The following KIF3C variants were observed in gnomAD, a reference collection of about 807,000 sequenced individuals.
KIF3C encodes the protein kinesin-like protein KIF3C.
A neutral mutation model predicts 67.7 loss-of-function variants in KIF3C; 12 were observed. That is an observed-to-expected ratio of 0.18 (90% CI 0.11 to 0.29). KIF3C has a LOEUF of 0.29. Among genes scored for constraint, KIF3C ranks in the 10% least tolerant of loss-of-function variants. The pLI is 1.00. For missense variants in KIF3C, 789 were observed against 1,059.6 expected (o/e 0.74, Z 3.55); for synonymous variants, 393 against 426.2 (o/e 0.92, Z 0.96).
chr2:25,947,606 T>C (rs1210393360), intron 5 of KIF3C, among the ~76,000 whole-genome samples: 1 of 152,118 alleles, frequency 6.6e-6, no homozygotes. Context: ...TTATAGGTAT[T>C]ACTGTAAAAA....
At chr2:25,939,878 A>G (rs1456029913) in intron 5 of KIF3C, among the ~76,000 whole-genome samples, 1 of 152,108 alleles carries the variant, frequency 6.6e-6, no homozygotes, top group Admixed American at 6.6e-5. Context: ...TGAACCTGTG[A>G]GGTGGAGGTT....
intron 5 of KIF3C, among the ~76,000 whole-genome samples, chr2:25,950,102 G>A (rs920265564): frequency 3.3e-5 from 5 of 151,776 alleles, no homozygotes; most frequent in African/African-American, 1.2e-4. Context: ...ACGTTGGCCA[G>A]GCTGGTCTCA....
At chr2:25,962,898 T>TATATATA (rs1191554898) in intron 1 of KIF3C, among the ~76,000 whole-genome samples, 1 of 59,798 alleles carries the variant, frequency 1.7e-5, no homozygotes, top group African/African-American at 8.5e-5. Context: ...TAATATAAAA[T>TATATATA]ATATATAATA....
At chr2:25,973,064 C>G (rs1664320390) in intron 1 of KIF3C, among the ~76,000 whole-genome samples, 1 of 152,130 alleles carries the variant, frequency 6.6e-6, no homozygotes, top group African/African-American at 2.4e-5. Context: ...TAAATATTTT[C>G]TCTTTTACTG....
Position 25,982,466 on chromosome 2 carries a change from G to A in KIF3C, c.-549C>T. 5.0e-6 allele frequency: 2 copies of A among 398,596 alleles called. No homozygotes were observed. The highest frequency in any genetic ancestry group is 3.6e-5 in the East Asian group (1 of 28,046). 24.7% of individuals were successfully genotyped at this position (398,596 alleles called of 1,614,324 possible). ...TGCTGCCTCTGCCTCCGCCTTCCCC[G>A]CCGCCGCCACTGGAGAATGAGAGAG... On this transcript the variant is annotated 5_prime_UTR_variant, in exon 1 of 8. Coordinates refer to ENST00000264712, the MANE Select transcript of KIF3C (RefSeq NM_002254.8).
chr2:25,960,865 G>A (rs1410369767), intron 1 of KIF3C, among the ~76,000 whole-genome samples: 1 of 152,346 alleles, frequency 6.6e-6, no homozygotes, highest in South Asian at 2.1e-4. Flanking sequence ...GAGCCTGGGA[G>A]GTTGAGGCTG....
In KIF3C at chr2:25,962,939, TATATAATATATAATATATAATATATATA is replaced by T. The variant is rs1300425916; in HGVS notation, c.1546-6523_1546-6496del. 0.033 allele frequency among the ~76,000 whole-genome samples: 1,264 copies of T among 38,686 alleles called. 152 individuals are homozygous for T. The East Asian group carries it at 0.45, about 14-fold the overall frequency. The allele number at this position is 38,686 out of a possible 152,430, so 25.4% of individuals were successfully genotyped here. A position where few individuals can be genotyped will look rare whatever the true frequency, so the allele number is the denominator to read the frequency against. ...TATATATAATATATAATACATATAATATATAATATATAATATATAATATATATAATATATAATATATAATATATAATAT... is the reference window on the plus strand; with the variant it reads ...TATATATAATATATAATACATATAATATATATAATATATAATATATAATAT... On this transcript the variant is annotated intron_variant, in intron 1 of 7. Transcript: ENST00000264712.
intron 1 of KIF3C, among the ~76,000 whole-genome samples, chr2:25,969,025 C>T (rs746275784): frequency 6.6e-6 from 1 of 151,948 alleles, no homozygotes; most frequent in Non-Finnish European, 1.5e-5. Flanking sequence ...GGTTTCGCCA[C>T]GTTGGTCAGG....
chr2:25,946,921 G>A (rs1235068382), intron 5 of KIF3C, among the ~76,000 whole-genome samples: 2 of 152,052 alleles, frequency 1.3e-5, no homozygotes, highest in African/African-American at 4.8e-5. Context: ...GGAGGCCGAG[G>A]TAGGCGGATC....
At position 25,955,557 on chromosome 2, in the gene KIF3C, G is replaced by C. The variant is rs1663784418; in HGVS notation, c.1754C>G (p.Thr585Ser). 2 of 1,614,040 alleles carry C rather than the reference G, an allele frequency of 1.2e-6. No individual in the cohort carries two copies. Among genetic ancestry groups the C allele is most frequent in the East Asian group, 4.5e-5 (2 of 44,864 alleles). ...TSLQQEVEVKTKKLKKLYAKL... is the reference protein window; with the variant it reads ...TSLQQEVEVKSKKLKKLYAKL... The stretch of plus-strand genomic sequence containing the variant: ...GCGTCTCACCTTCTTGAGTTTCTTG[G>C]TTTTGACCTCCACCTCCTGCTGCAG... Residue 585 changes from threonine to serine, a missense_variant, in exon 3 of 8, where the codon ACC becomes AGC. By Grantham distance (58) the Thr-to-Ser change is moderately conservative. Around this residue, in one of 2 missense-constraint regions of KIF3C, gnomAD observed 648 missense variants for 807.8 expected, o/e 0.80. Transcript: ENST00000264712. This position sits in a 1 kb window ranked among gnomAD's most constrained non-coding sequence, Gnocchi z 5.0.
At chr2:25,973,602 G>A (rs941215042) in intron 1 of KIF3C, among the ~76,000 whole-genome samples, 13 of 149,510 alleles carry the variant, frequency 8.7e-5, no homozygotes, top group African/African-American at 3.2e-4. Flanking sequence ...ACAACTCAAT[G>A]AATTTGGGGA....
intron 5 of KIF3C, among the ~76,000 whole-genome samples, chr2:25,932,751 T>C (rs527435221): frequency 6.6e-6 from 1 of 152,000 alleles, no homozygotes; most frequent in Admixed American, 6.6e-5. Flanking sequence ...GAGAATTGCT[T>C]GAACCCGGGA....
chr2:25,955,454 G>T lies in KIF3C; in HGVS notation c.1770+87C>A. On this transcript the variant is annotated intron_variant, in intron 3 of 7. Transcript: ENST00000264712. This position sits in a 1 kb window ranked among gnomAD's most constrained non-coding sequence, Gnocchi z 5.0. ...AGGGGTTCAGCAGTTCCAGCCAAAT[G>T]GGGAGGAGTCCCTGAAGCACACATC... 6.7e-7 allele frequency: 1 copy of T among 1,500,422 alleles called. No individual in the cohort carries two copies. Among genetic ancestry groups the T allele is most frequent in the South Asian group, 1.2e-5 (1 of 81,036 alleles). 92.9% of individuals were successfully genotyped at this position (1,500,422 alleles called of 1,614,324 possible). A position where few individuals can be genotyped will look rare whatever the true frequency, so the allele number is the denominator to read the frequency against.
At position 25,982,456 on chromosome 2, in the gene KIF3C, C is replaced by G. The variant is rs1371502546; in HGVS notation, c.-539G>C. 2.5e-6 allele frequency: 1 copy of G among 398,720 alleles called. No homozygotes were observed. The highest frequency in any genetic ancestry group is 4.4e-6 in the Non-Finnish European group (1 of 226,162). The allele number at this position is 398,720 out of a possible 1,614,324, so 24.7% of individuals were successfully genotyped here. On this transcript the variant is annotated 5_prime_UTR_variant, in exon 1 of 8. Coordinates refer to ENST00000264712, the MANE Select transcript of KIF3C (RefSeq NM_002254.8). ...GCGCGGCTGCTGCTGCCTCTGCCTC[C>G]GCCTTCCCCGCCGCCGCCACTGGAG...
chr2:25,936,229 T>C (rs2149223370), intron 5 of KIF3C, among the ~76,000 whole-genome samples: 2 of 152,324 alleles, frequency 1.3e-5, no homozygotes, highest in African/African-American at 4.8e-5. Context: ...TTTGTAGAGA[T>C]GGGGTCTCGC....
chr2:25,952,461 G>T (rs1301580109), intron 4 of KIF3C, among the ~76,000 whole-genome samples: 3 of 151,452 alleles, frequency 2.0e-5, no homozygotes, highest in Non-Finnish European at 4.4e-5. Flanking sequence ...TTAGAAAAAT[G>T]AATAAATACT....
intron 5 of KIF3C, among the ~76,000 whole-genome samples, chr2:25,948,614 A>G (rs1156262233): frequency 6.8e-6 from 1 of 146,216 alleles, no homozygotes; most frequent in Non-Finnish European, 1.5e-5. Flanking sequence ...AAGAAAGAGA[A>G]AGAGAAAGAG....
chr2:25,929,597 G>A, intron 6 of KIF3C, 120 bp from the exon 7 acceptor site: 2 of 770,310 alleles, frequency 2.6e-6, no homozygotes, highest in Non-Finnish European at 4.2e-6. Flanking sequence ...GAGGCTGTGA[G>A]CATCCCCTCC....
In KIF3C at chr2:25,980,278, A is replaced by G. The variant is rs940969111; in HGVS notation, c.1545+95T>C. On this transcript the variant is annotated intron_variant, in intron 1 of 7. Transcript: ENST00000264712. The surrounding 1 kb of genome is among the most constrained non-coding windows in gnomAD (Gnocchi z 7.6). ...TGTGCGGTGCTGAGGGAGAACCTCC[A>G]CTTCAGGCCAGGTCACAGACTCTCA... 9.7e-7 allele frequency: 1 copy of G among 1,025,972 alleles called. No homozygotes were observed. The highest frequency in any genetic ancestry group is 1.4e-6 in the Non-Finnish European group (1 of 706,942). The allele number at this position is 1,025,972 out of a possible 1,614,324, so 63.6% of individuals were successfully genotyped here. A position where few individuals can be genotyped will look rare whatever the true frequency, so the allele number is the denominator to read the frequency against.
Sources: gnomAD v4.1 joint callset for allele counts (sites outside exome capture counted in the v4.1 genomes callset) on GRCh38, gnomAD v4.1.1 for gene constraint, gnomAD v4.1.1 regional missense constraint, Gnocchi (gnomAD v3.1) non-coding constraint, MANE v1.5 for transcripts, NCBI Gene and HGNC (gene_info 2026-07-23, HGNC 2026-07-21) for gene names.